Variants in USP6NL observed in about 807,000 individuals in gnomAD.
The protein encoded by USP6NL is USP6 N-terminal like, also known as USP6 N-terminal-like protein.
Under a neutral mutation model 61.9 loss-of-function variants are expected in USP6NL, and 26 were observed. The ratio of observed to expected loss-of-function variants is 0.42; its 90% confidence interval spans 0.31 to 0.58. The LOEUF is 0.58. Ranked by LOEUF, USP6NL falls within the 20% of genes least tolerant of loss-of-function variation. The pLI is 0.16. For missense variants in USP6NL, 1,114 were observed against 1,034.3 expected (o/e 1.08, Z -1.06); for synonymous variants, 432 against 390.1 (o/e 1.11, Z -1.27).
intron 4 of USP6NL, among the ~76,000 whole-genome samples, chr10:11,521,079 T>C (rs1835185591): frequency 1.3e-5 from 2 of 152,186 alleles, no homozygotes. Context: ...TCGGAGTTTA[T>C]GTGCCTATAA....
intron 2 of USP6NL, among the ~76,000 whole-genome samples, chr10:11,571,617 C>T (rs10795867): frequency 0.18 from 27,282 of 151,650 alleles, 2,890 homozygotes; most frequent in South Asian, 0.24. Context: ...CTACATCCAT[C>T]CAAATTCATA....
chr10:11,569,210 T>C (rs144820526), intron 2 of USP6NL, among the ~76,000 whole-genome samples: 1 of 152,228 alleles, frequency 6.6e-6, no homozygotes, highest in African/African-American at 2.4e-5. Flanking sequence ...TGAAAACGAT[T>C]ATCCACCTAC....
intron 8 of USP6NL, among the ~76,000 whole-genome samples, chr10:11,492,517 C>T (rs753833617): frequency 1.3e-5 from 2 of 152,208 alleles, no homozygotes; most frequent in Non-Finnish European, 2.9e-5. Context: ...AGCTCATCCC[C>T]GAGGCCCAGA....
rs1201486609 is a variant in USP6NL at position 11,487,989 on chromosome 10, A to G, written c.664+1113T>C. Among the ~76,000 whole-genome samples, 1 of 152,254 alleles carries G rather than the reference A, an allele frequency of 6.6e-6. No homozygotes were observed. The highest frequency in any genetic ancestry group is 1.9e-4 in the East Asian group (1 of 5,202). On this transcript the variant is annotated intron_variant, in intron 10 of 14. Coordinates refer to ENST00000609104, the MANE Select transcript of USP6NL (RefSeq NM_014688.5). This position sits in a 1 kb window ranked among gnomAD's most constrained non-coding sequence, Gnocchi z 4.2. ...TGGAAGATCCATTCTTAGAATAACT[A>G]GTGTTAAAATTATTTTAAATTTGAT... is the stretch of plus-strand genomic sequence containing the variant.
intron 2 of USP6NL, among the ~76,000 whole-genome samples, chr10:11,554,410 C>A (rs573193104): frequency 6.6e-6 from 1 of 152,188 alleles, no homozygotes; most frequent in Admixed American, 6.5e-5. Context: ...CAGAAAGTAA[C>A]AATAAAAAAT....
At position 11,525,372 on chromosome 10, in the gene USP6NL, T is replaced by G. The variant is rs776847751; in HGVS notation, c.155+14A>C. 4 of 1,580,774 alleles carry G rather than the reference T, an allele frequency of 2.5e-6. No homozygotes were observed. In the African/African-American group the frequency reaches 5.5e-5, roughly 22 times the overall value. On this transcript the variant is annotated intron_variant, in intron 4 of 14. Transcript: ENST00000609104. The surrounding 1 kb of genome is among the most constrained non-coding windows in gnomAD (Gnocchi z 5.0). The stretch of plus-strand genomic sequence containing the variant: ...TATAATCTAAAAAGCAAGCTTTCAA[T>G]CTATGTGACTTACTGTAAAAAGCCA...
rs554000391 is a variant in USP6NL, at chr10:11,503,970, G to C, written c.277-2762C>G. 9.9e-5 allele frequency among the ~76,000 whole-genome samples: 15 copies of C among 152,146 alleles called. 1 individual carries two copies. The highest frequency in any genetic ancestry group is 6.8e-3 in the Middle Eastern group (2 of 294). On this transcript the variant is annotated intron_variant, in intron 6 of 14. Transcript: ENST00000609104. The stretch of plus-strand genomic sequence containing the variant: ...CTAAAATACATGGAATAGCGAACAG[G>C]AAAGTATCAAGAAAGCCCAAGAGCA...
At position 11,490,816 on chromosome 10, in the gene USP6NL, G is replaced by A. The variant is rs1346436202; in HGVS notation, c.543+16C>T. Reference sequence around the variant, plus strand: ...AATACAACTCAAAGACCTTGGGCAGGCAGGCCCCAACTTACCGTGTTATAA... The same window carrying A: ...AATACAACTCAAAGACCTTGGGCAGACAGGCCCCAACTTACCGTGTTATAA... On this transcript the variant is annotated intron_variant, in intron 9 of 14. Coordinates refer to ENST00000609104, the MANE Select transcript of USP6NL (RefSeq NM_014688.5). The surrounding 1 kb of genome is among the most constrained non-coding windows in gnomAD (Gnocchi z 4.5). The A allele has an allele frequency of 1.9e-6, 3 of 1,552,416 alleles. No individual in the cohort carries two copies. The highest frequency in any genetic ancestry group is 2.7e-5 in the African/African-American group (2 of 72,916).
chr10:11,532,041 G>T lies in USP6NL; in HGVS notation c.5-4474C>A. 1.5e-6 allele frequency: 1 copy of T among 647,690 alleles called. No individual in the cohort carries two copies. The highest frequency in any genetic ancestry group is 2.6e-6 in the Non-Finnish European group (1 of 383,272). The allele number at this position is 647,690 out of a possible 1,614,324, so 40.1% of individuals were successfully genotyped here. The stretch of plus-strand genomic sequence containing the variant: ...AATGTCACTAAATTAGCACCAAACT[G>T]CAATGAAAAATTCATACAAAGTTAC... On this transcript the variant is annotated intron_variant, in intron 2 of 14. Transcript: ENST00000609104. The surrounding 1 kb of genome is among the most constrained non-coding windows in gnomAD (Gnocchi z 4.1).
intron 2 of USP6NL, among the ~76,000 whole-genome samples, chr10:11,529,736 C>T (rs1364965511): frequency 6.6e-6 from 1 of 152,180 alleles, no homozygotes; most frequent in African/African-American, 2.4e-5. Context: ...ACTTACAAGC[C>T]TTTGTCAGTT....
In USP6NL at chr10:11,495,722, T is replaced by G. The variant is rs1222755922; in HGVS notation, c.385-2494A>C. ...TTCTCTGAAGATATTAAAAATAGTT[T>G]TTTAGATTCTCTTCTTTACACTATA... is the stretch of plus-strand genomic sequence containing the variant. On this transcript the variant is annotated intron_variant, in intron 7 of 14. Transcript: ENST00000609104. The surrounding 1 kb of genome is among the most constrained non-coding windows in gnomAD (Gnocchi z 4.6). Among the ~76,000 whole-genome samples, 1 of 152,234 alleles carries G rather than the reference T, an allele frequency of 6.6e-6. No individual in the cohort carries two copies. Among genetic ancestry groups the G allele is most frequent in the Non-Finnish European group, 1.5e-5 (1 of 68,038 alleles).
In USP6NL at chr10:11,597,203, G is replaced by C. The variant is rs896777570; in HGVS notation, c.4+428C>G. On this transcript the variant is annotated intron_variant, in intron 2 of 14. Coordinates refer to ENST00000609104, the MANE Select transcript of USP6NL (RefSeq NM_014688.5). The surrounding 1 kb of genome is among the most constrained non-coding windows in gnomAD (Gnocchi z 4.6). ...ATAGCCTTGGTTCTTTGTTCTATCA[G>C]AGACATTGATAGATTGTTAGGGGTT... Among the ~76,000 whole-genome samples, 3 of 152,172 alleles carry C rather than the reference G, an allele frequency of 2.0e-5. No individual in the cohort carries two copies. Among genetic ancestry groups the C allele is most frequent in the African/African-American group, 7.2e-5 (3 of 41,446 alleles).
intron 2 of USP6NL, among the ~76,000 whole-genome samples, chr10:11,557,681 C>T (rs987587939): frequency 1.3e-5 from 2 of 152,070 alleles, no homozygotes; most frequent in Non-Finnish European, 2.9e-5. Flanking sequence ...GCTGAGTAAG[C>T]AATGTTCACG....
Position 11,462,695 on chromosome 10 carries a change from G to A in USP6NL, c.2233C>T (p.Pro745Ser), listed in dbSNP as rs1401202831. ...GTCCATGATTGTCCCTGCGTCTCAG[G>A]TCTGTATGTATAACTAACTTCTGAC... Reference protein sequence around the residue: ...TWSEVSYTYRPETQGQSWTRD... With the variant: ...TWSEVSYTYRSETQGQSWTRD... Residue 745 changes from proline to serine, a missense_variant, in exon 15 of 15, where the codon CCT (proline) becomes TCT (serine). Physicochemically the swap from Pro to Ser is moderately conservative, Grantham distance 74. Transcript: ENST00000609104. The A allele has an allele frequency of 2.5e-6, 4 of 1,613,888 alleles. No individual in the cohort carries two copies. The African/African-American group carries it at 5.3e-5, about 22-fold the overall frequency.
At chr10:11,584,236 T>C (rs138252010) in intron 2 of USP6NL, among the ~76,000 whole-genome samples, 2 of 152,264 alleles carry the variant, frequency 1.3e-5, no homozygotes, top group African/African-American at 2.4e-5. Context: ...TTTAGCTCTG[T>C]GTGTATAGCC....
chr10:11,582,034 G>A (rs561129963), intron 2 of USP6NL, among the ~76,000 whole-genome samples: 4 of 151,900 alleles, frequency 2.6e-5, no homozygotes, highest in South Asian at 2.1e-4. Flanking sequence ...GCGTGATCTC[G>A]GCTCACTGCA....
chr10:11,538,107 T>TA (rs1225728603), intron 2 of USP6NL, among the ~76,000 whole-genome samples: 4 of 152,200 alleles, frequency 2.6e-5, no homozygotes, highest in Non-Finnish European at 4.4e-5. Flanking sequence ...TTAATTAAGT[T>TA]AAAATTTTTT....
At position 11,551,299 on chromosome 10, in the gene USP6NL, C is replaced by T. The variant is rs374628672; in HGVS notation, c.5-23732G>A. Among the ~76,000 whole-genome samples, 3 of 152,144 alleles carry T rather than the reference C, an allele frequency of 2.0e-5. No individual in the cohort carries two copies. In the East Asian group the frequency reaches 5.8e-4, roughly 29 times the overall value. On this transcript the variant is annotated intron_variant, in intron 2 of 14. Transcript: ENST00000609104. ...TTCAACAACAAAAAGGAAAAAACTG[C>T]TGATAACACGAAACAATGCAAATAA... is the stretch of plus-strand genomic sequence containing the variant.
chr10:11,486,024 T>A (rs1353405632), intron 10 of USP6NL, 113 bp from the exon 11 acceptor site: 1 of 730,552 alleles, frequency 1.4e-6, no homozygotes, highest in African/African-American at 1.8e-5. Flanking sequence ...AAACATTCAG[T>A]AGTTACCAAA....
Sources: allele counts gnomAD v4.1 joint callset (sites outside exome capture counted in the v4.1 genomes callset), GRCh38; gene constraint gnomAD v4.1.1; non-coding constraint Gnocchi (gnomAD v3.1); transcripts MANE v1.5; gene names NCBI Gene and HGNC (gene_info 2026-07-23, HGNC 2026-07-21).